ARPP21: variants seen among roughly 807,000 people sequenced by gnomAD.
ARPP21 encodes the protein cAMP regulated phosphoprotein 21, also known as cAMP-regulated phosphoprotein 21.
Under a neutral mutation model 113.2 loss-of-function variants are expected in ARPP21, and 69 were observed. That is an observed-to-expected ratio of 0.61 (90% CI 0.50 to 0.74). ARPP21 has a LOEUF of 0.74. Among genes scored for constraint, ARPP21 ranks in the 30% least tolerant of loss-of-function variants. The pLI, the probability that ARPP21 is intolerant of heterozygous loss-of-function variation, is 0.00. For missense variants in ARPP21, 1,070 were observed against 1,037.4 expected (o/e 1.03, Z -0.43); for synonymous variants, 368 against 375.5 (o/e 0.98, Z 0.23).
intron 9 of ARPP21, among the ~76,000 whole-genome samples, chr3:35,693,595 T>A (rs1242646516): frequency 6.6e-6 from 1 of 151,764 alleles, no homozygotes; most frequent in Non-Finnish European, 1.5e-5. Flanking sequence ...TATGTTTGAT[T>A]TTAAAAGTCT....
chr3:35,675,357 G>A (rs184976110), intron 1 of ARPP21, among the ~76,000 whole-genome samples: 4 of 151,802 alleles, frequency 2.6e-5, no homozygotes, highest in South Asian at 4.1e-4. Flanking sequence ...TGATGCTGTC[G>A]GATTCTTGGC....
At chr3:35,658,029 C>A (rs184507523) in intron 1 of ARPP21, among the ~76,000 whole-genome samples, 1 of 152,194 alleles carries the variant, frequency 6.6e-6, no homozygotes, top group Admixed American at 6.5e-5. Context: ...AGTAATTGCA[C>A]ATTTCTGGAT....
intron 1 of ARPP21, among the ~76,000 whole-genome samples, chr3:35,673,617 G>T (rs1415375890): frequency 1.3e-5 from 2 of 151,912 alleles, no homozygotes; most frequent in Non-Finnish European, 2.9e-5. Flanking sequence ...GTATATATAG[G>T]AGTAAACATG....
intron 1 of ARPP21, among the ~76,000 whole-genome samples, chr3:35,653,626 G>A (rs1049243238): frequency 1.3e-5 from 2 of 152,000 alleles, no homozygotes; most frequent in Admixed American, 1.3e-4. Flanking sequence ...ACATCATGGT[G>A]ATCTAAATTT....
chr3:35,736,875 T>G (rs2094386708), intron 15 of ARPP21, among the ~76,000 whole-genome samples: 1 of 152,210 alleles, frequency 6.6e-6, no homozygotes, highest in Non-Finnish European at 1.5e-5. Flanking sequence ...TGAAGATTGC[T>G]TCTCCACAGG....
chr3:35,758,996 G>T (rs1284766944), intron 19 of ARPP21, among the ~76,000 whole-genome samples: 4 of 151,988 alleles, frequency 2.6e-5, no homozygotes, highest in Admixed American at 1.3e-4. Flanking sequence ...TTGCATGTAA[G>T]ATATATTTTA....
chr3:35,675,897 A>G (rs17280201), intron 1 of ARPP21, among the ~76,000 whole-genome samples: 52,366 of 151,526 alleles, frequency 0.35, 9,592 homozygotes, highest in East Asian at 0.48. Flanking sequence ...CATCCACAGA[A>G]CTAGTCTGTA....
At position 35,690,895 on chromosome 3, in the gene ARPP21, A is replaced by G. The variant is rs1318716243; in HGVS notation, c.576A>G (p.Ser192=). 1 of 1,610,364 alleles carries G rather than the reference A, an allele frequency of 6.2e-7. No homozygotes were observed. Among genetic ancestry groups the G allele is most frequent in the South Asian group, 1.1e-5 (1 of 90,810 alleles). Residue 192 remains serine, a synonymous_variant, in exon 9 of 21, where the codon TCA becomes TCG. Coordinates refer to ENST00000684406, the MANE Select transcript of ARPP21 (RefSeq NM_001385562.1). ...ATTATAAAAAGTTCCCTCAGATGTC[A>G]TCGTATCAGAGGATGCTTGTCCATC... is the stretch of plus-strand genomic sequence containing the variant. The part of the protein sequence containing the change: ...NNHYKKFPQM[S]SYQRMLVHRV...
At chr3:35,791,491 A>G (rs13085908) in intron 19 of ARPP21, among the ~76,000 whole-genome samples, 18,008 of 152,200 alleles carry the variant, frequency 0.12, 1,219 homozygotes, top group Non-Finnish European at 0.16. Flanking sequence ...CACCTAAATC[A>G]TAACTTTCTT....
At chr3:35,745,730 A>G (rs996654973) in intron 19 of ARPP21, among the ~76,000 whole-genome samples, 1 of 152,208 alleles carries the variant, frequency 6.6e-6, no homozygotes, top group Non-Finnish European at 1.5e-5. Context: ...GTGGATGTCA[A>G]AACAAGAGAC....
chr3:35,689,400 G>A lies in ARPP21; in HGVS notation c.485+15G>A, dbSNP rs770458567. The A allele has an allele frequency of 1.6e-5, 20 of 1,225,826 alleles. No individual in the cohort carries two copies. The South Asian group carries it at 1.7e-4, about 10-fold the overall frequency. 75.9% of individuals were successfully genotyped at this position (1,225,826 alleles called of 1,614,324 possible). On this transcript the variant is annotated intron_variant, in intron 7 of 20. Coordinates refer to ENST00000684406, the MANE Select transcript of ARPP21 (RefSeq NM_001385562.1). The stretch of plus-strand genomic sequence containing the variant: ...AATAATTCCAGGTAAATTATTAAAT[G>A]AGCCTCTTATTTTTAGAAGGATCAA...
intron 19 of ARPP21, among the ~76,000 whole-genome samples, chr3:35,748,067 GAAGAAAGA>G (rs71622571): frequency 0.02 from 1,715 of 86,810 alleles, 31 homozygotes; most frequent in East Asian, 0.098. Flanking sequence ...AAGAAGGAAG[GAAGAAAGA>G]AAGAAAGAAA....
chr3:35,698,103 A>G (rs1056965685), intron 9 of ARPP21, among the ~76,000 whole-genome samples: 1 of 151,852 alleles, frequency 6.6e-6, no homozygotes, highest in Non-Finnish European at 1.5e-5. Flanking sequence ...CATTGTTCTC[A>G]GGAAAACTAT....
intron 19 of ARPP21, among the ~76,000 whole-genome samples, chr3:35,773,787 C>T (rs1192464958): frequency 6.6e-6 from 1 of 152,042 alleles, no homozygotes; most frequent in Non-Finnish European, 1.5e-5. Context: ...AAAGTAACAG[C>T]CGTATGTGTT....
At chr3:35,645,441 G>T (rs184987094) in intron 1 of ARPP21, among the ~76,000 whole-genome samples, 2 of 151,952 alleles carry the variant, frequency 1.3e-5, no homozygotes, top group East Asian at 3.9e-4. Flanking sequence ...GAATTTTCTA[G>T]AGTTTTCTGG....
At chr3:35,764,389 G>T (rs2095878561) in intron 19 of ARPP21, among the ~76,000 whole-genome samples, 1 of 152,124 alleles carries the variant, frequency 6.6e-6, no homozygotes, top group Admixed American at 6.5e-5. Context: ...ACATTTAAAA[G>T]TTGTCAACTA....
intron 5 of ARPP21, chr3:35,685,514 C>T: frequency 1.0e-6 from 1 of 985,248 alleles, no homozygotes; most frequent in Non-Finnish European, 1.2e-6. Context: ...CCGGCACTTA[C>T]AAAATGTGCG....
intron 19 of ARPP21, among the ~76,000 whole-genome samples, chr3:35,764,967 T>C (rs2095909200): frequency 6.6e-6 from 1 of 152,136 alleles, no homozygotes; most frequent in Non-Finnish European, 1.5e-5. Flanking sequence ...ATTCCATTGA[T>C]TAAATGTGAA....
chr3:35,667,948 AAAGAAGAAGAAGAAGAAGAAGAAGAAG>A (rs4025938), intron 1 of ARPP21, among the ~76,000 whole-genome samples: 330 of 58,068 alleles, frequency 5.7e-3, no homozygotes, highest in Middle Eastern at 0.017. Flanking sequence ...GAGAAGAAGA[AAAGAAGAAGAAGAAGAAGAAGAAGAAG>A]AAGAAGAAGA....
Sources: gnomAD v4.1 joint callset for allele counts (sites outside exome capture counted in the v4.1 genomes callset) on GRCh38, gnomAD v4.1.1 for gene constraint, MANE v1.5 for transcripts, NCBI Gene and HGNC (gene_info 2026-07-23, HGNC 2026-07-21) for gene names.